UVRAG: variants seen among roughly 807,000 people sequenced by gnomAD.
The protein encoded by UVRAG is UV radiation resistance-associated gene protein.
In UVRAG, 19 loss-of-function variants were observed where a neutral mutation model predicts 78.0. The observed-to-expected ratio is 0.24, with a 90% CI of 0.17 to 0.36. The LOEUF (loss-of-function observed/expected upper bound fraction) is 0.36, where lower values mean the gene tolerates loss of function less well. Ranked by LOEUF, UVRAG falls within the 10% of genes least tolerant of loss-of-function variation. UVRAG has a pLI of 1.00. For missense variants in UVRAG, 740 were observed against 853.8 expected (o/e 0.87, Z 1.66); for synonymous variants, 323 against 324.6 (o/e 1.00, Z 0.05).
At chr11:75,866,256 C>G (rs936908790) in intron 3 of UVRAG, among the ~76,000 whole-genome samples, 3 of 151,640 alleles carry the variant, frequency 2.0e-5, no homozygotes, top group Admixed American at 6.6e-5. Context: ...CGTGGTGGCT[C>G]ACACCTATAT....
chr11:75,960,237 A>G (rs531957866), intron 6 of UVRAG, among the ~76,000 whole-genome samples: 6 of 149,848 alleles, frequency 4.0e-5, no homozygotes, highest in African/African-American at 1.5e-4. Context: ...TTAAATATCT[A>G]TGAAGCACAA....
intron 14 of UVRAG, chr11:76,137,231 G>A: frequency 1.2e-5 from 5 of 421,052 alleles, no homozygotes; most frequent in Non-Finnish European, 2.4e-5. Context: ...ACTAAGAAAG[G>A]GTATAGTGGC....
intron 14 of UVRAG, among the ~76,000 whole-genome samples, chr11:76,129,923 ACTCTCTCTCGCT>A (rs376936224): frequency 0.011 from 1,549 of 145,810 alleles, 30 homozygotes; most frequent in African/African-American, 0.037. Context: ...TCACTCTCAC[ACTCTCTCTCGCT>A]CTCTCTCTCT....
intron 1 of UVRAG, among the ~76,000 whole-genome samples, chr11:75,818,764 A>G (rs1314951584): frequency 6.6e-6 from 1 of 152,166 alleles, no homozygotes; most frequent in Non-Finnish European, 1.5e-5. Context: ...AGTGTGAGCC[A>G]TTGCGCCCGG....
chr11:75,977,893 T>C (rs965637688), intron 7 of UVRAG, among the ~76,000 whole-genome samples: 4 of 152,230 alleles, frequency 2.6e-5, no homozygotes, highest in African/African-American at 9.7e-5. Context: ...TTGTTACGTG[T>C]GAATTTGATC....
chr11:76,122,210 G>A (rs1462342294), intron 14 of UVRAG, among the ~76,000 whole-genome samples: 1 of 152,234 alleles, frequency 6.6e-6, no homozygotes, highest in Admixed American at 6.5e-5. Context: ...AGTTCCCGGT[G>A]TGAGGGGTGT....
intron 9 of UVRAG, among the ~76,000 whole-genome samples, chr11:76,005,330 G>A (rs894079552): frequency 1.3e-5 from 2 of 151,778 alleles, no homozygotes; most frequent in African/African-American, 2.4e-5. Context: ...GCGACAGAGC[G>A]AGACGCCATC....
Position 75,858,154 on chromosome 11 carries a change from AT to A in UVRAG, c.236-3591del, listed in dbSNP as rs550179098. 2.3e-3 allele frequency among the ~76,000 whole-genome samples: 313 copies of A among 133,920 alleles called. 1 individual carries two copies. The highest frequency in any genetic ancestry group is 4.6e-3 in the South Asian group (22 of 4,820). 87.9% of individuals were successfully genotyped at this position (133,920 alleles called of 152,430 possible). The stretch of plus-strand genomic sequence containing the variant: ...TTAATTTTTTAATAGGTAAAAAAAA[AT>A]ATATATGTGTATATATATATAAAGA... On this transcript the variant is annotated intron_variant, in intron 2 of 14. Coordinates refer to ENST00000356136, the MANE Select transcript of UVRAG (RefSeq NM_003369.4).
In UVRAG at chr11:75,815,497, C is replaced by T. The variant is rs773563726; in HGVS notation, c.90C>T (p.Ala30=). The T allele has an allele frequency of 1.4e-5, 17 of 1,242,134 alleles. No individual in the cohort carries two copies. Among genetic ancestry groups the T allele is most frequent in the Non-Finnish European group, 1.6e-5 (16 of 992,602 alleles). 76.9% of individuals were successfully genotyped at this position (1,242,134 alleles called of 1,614,324 possible). A position where few individuals can be genotyped will look rare whatever the true frequency, so the allele number is the denominator to read the frequency against. ...AALPPGSAAR[A]LHVELPSQQR... Reference sequence around the variant, plus strand: ...TGCCTCCCGGTTCTGCCGCGCGGGCCCTGCATGTGGAGCTGCCGTCTCAGC... The same window carrying T: ...TGCCTCCCGGTTCTGCCGCGCGGGCTCTGCATGTGGAGCTGCCGTCTCAGC... Residue 30 remains alanine (A), a synonymous_variant, in exon 1 of 15, where the codon GCC becomes GCT. Transcript: ENST00000356136.
chr11:75,844,328 C>T (rs1025765446), intron 1 of UVRAG, among the ~76,000 whole-genome samples: 2 of 151,662 alleles, frequency 1.3e-5, no homozygotes, highest in African/African-American at 2.4e-5. Context: ...CCTGGGTTCA[C>T]GCCATTCTCC....
chr11:75,827,909 C>T (rs536056863), intron 1 of UVRAG, among the ~76,000 whole-genome samples: 10 of 149,982 alleles, frequency 6.7e-5, no homozygotes, highest in East Asian at 2.0e-4. Context: ...TTTTTTTTAA[C>T]GTTGTCTCCT....
intron 6 of UVRAG, among the ~76,000 whole-genome samples, chr11:75,938,521 G>A (rs1401039436): frequency 1.3e-5 from 2 of 152,050 alleles, no homozygotes; most frequent in Non-Finnish European, 2.9e-5. Flanking sequence ...CTTCCTTTCA[G>A]TTCTTGCTTT....
At chr11:75,938,689 C>T (rs574372125) in intron 6 of UVRAG, among the ~76,000 whole-genome samples, 1 of 152,182 alleles carries the variant, frequency 6.6e-6, no homozygotes, top group Non-Finnish European at 1.5e-5. Context: ...CCTGTGAAAT[C>T]TCTGCTTTTT....
At chr11:75,824,169 A>T (rs1160719888) in intron 1 of UVRAG, among the ~76,000 whole-genome samples, 1 of 152,168 alleles carries the variant, frequency 6.6e-6, no homozygotes, top group Admixed American at 6.6e-5. Flanking sequence ...GCAAATATTT[A>T]CTAAGCCCCT....
At chr11:76,137,819 G>T (rs1339761240) in intron 14 of UVRAG, 2 of 253,628 alleles carry the variant, frequency 7.9e-6, no homozygotes, top group Admixed American at 9.8e-5. Flanking sequence ...GAGGTGGGAG[G>T]ATCCCTTAAG....
intron 5 of UVRAG, among the ~76,000 whole-genome samples, chr11:75,891,336 T>C (rs1412405157): frequency 6.6e-6 from 1 of 152,230 alleles, no homozygotes; most frequent in Non-Finnish European, 1.5e-5. Flanking sequence ...CTACTGCTGC[T>C]GTTCATAATA....
chr11:75,952,601 A>G (rs1948724831), intron 6 of UVRAG, among the ~76,000 whole-genome samples: 2 of 152,132 alleles, frequency 1.3e-5, no homozygotes, highest in South Asian at 4.1e-4. Flanking sequence ...AAAATCAGTC[A>G]GTTTAACAGA....
At chr11:75,963,206 G>GTC (rs1178106401) in intron 7 of UVRAG, among the ~76,000 whole-genome samples, 2 of 152,048 alleles carry the variant, frequency 1.3e-5, no homozygotes, top group East Asian at 1.9e-4. Context: ...AGGGGTTTTT[G>GTC]TCTCTCTCTC....
intron 1 of UVRAG, among the ~76,000 whole-genome samples, chr11:75,828,688 CATGTGTGTGTATATATAT>C (rs1945574348): frequency 1.3e-5 from 1 of 74,512 alleles, no homozygotes; most frequent in South Asian, 4.3e-4. Context: ...TACACATATA[CATGTGTGTGTATATATAT>C]ATATGTGTAT....
Sources: allele counts gnomAD v4.1 joint callset (sites outside exome capture counted in the v4.1 genomes callset), GRCh38; gene constraint gnomAD v4.1.1; transcripts MANE v1.5; gene names NCBI Gene and HGNC (gene_info 2026-07-23, HGNC 2026-07-21).